The following SLX4IP variants were observed in gnomAD, a reference collection of about 807,000 sequenced individuals.
SLX4IP encodes the protein SLX4 interacting protein.
Under a neutral mutation model 32.9 loss-of-function variants are expected in SLX4IP, and 34 were observed. The observed-to-expected ratio is 1.03, with a 90% CI of 0.79 to 1.38. The LOEUF is 1.38. SLX4IP is among the 40% of genes most tolerant of loss of function. The pLI is 0.00. For synonymous variants in SLX4IP, 172 were observed against 171.7 expected, an observed-to-expected ratio of 1.00 and a Z score of -0.01; for missense variants, 444 against 479.0, an observed-to-expected ratio of 0.93 and a Z score of 0.68.
chr20:10,503,098 C>T (rs1600937092), intron 2 of SLX4IP, among the ~76,000 whole-genome samples: 1 of 152,024 alleles, frequency 6.6e-6, no homozygotes. Context: ...CTGTTGGCCA[C>T]CTCACTATGG....
intron 2 of SLX4IP, among the ~76,000 whole-genome samples, chr20:10,534,328 T>C (rs1053360698): frequency 6.6e-6 from 1 of 152,210 alleles, no homozygotes; most frequent in African/African-American, 2.4e-5. Flanking sequence ...TAGGCATTGG[T>C]AAGCATTAGG....
chr20:10,532,918 G>T (rs373903845), intron 2 of SLX4IP, among the ~76,000 whole-genome samples: 140 of 152,092 alleles, frequency 9.2e-4, no homozygotes, highest in African/African-American at 3.2e-3. Flanking sequence ...TGAGATTACA[G>T]ATGTCTGCCA....
chr20:10,524,828 C>T, intron 2 of SLX4IP, among the ~76,000 whole-genome samples: 1 of 152,208 alleles, frequency 6.6e-6, no homozygotes, highest in East Asian at 1.9e-4. Flanking sequence ...AAGCTCAGTA[C>T]ATCCAGAATT....
intron 2 of SLX4IP, among the ~76,000 whole-genome samples, chr20:10,505,330 T>G (rs2065750128): frequency 2.0e-5 from 3 of 152,224 alleles, no homozygotes; most frequent in African/African-American, 7.2e-5. Context: ...CTCTTTTCAC[T>G]TATATCTTGT....
At chr20:10,591,770 A>G (rs1446063601) in intron 4 of SLX4IP, among the ~76,000 whole-genome samples, 1 of 152,192 alleles carries the variant, frequency 6.6e-6, no homozygotes, top group Non-Finnish European at 1.5e-5. Flanking sequence ...ATTTAATGTT[A>G]AGGGCCTTTT....
intron 2 of SLX4IP, among the ~76,000 whole-genome samples, chr20:10,520,862 A>G (rs1442401896): frequency 6.6e-6 from 1 of 151,350 alleles, no homozygotes; most frequent in Non-Finnish European, 1.5e-5. Context: ...TCCCTCTTCC[A>G]CTCCTCTCTA....
chr20:10,516,578 T>C (rs2065851721), intron 2 of SLX4IP, among the ~76,000 whole-genome samples: 1 of 152,252 alleles, frequency 6.6e-6, no homozygotes, highest in Non-Finnish European at 1.5e-5. Flanking sequence ...CTGAGATGTT[T>C]TGTAACAAAT....
chr20:10,522,061 G>A (rs1458022101), intron 2 of SLX4IP, among the ~76,000 whole-genome samples: 1 of 152,146 alleles, frequency 6.6e-6, no homozygotes, highest in African/African-American at 2.4e-5. Flanking sequence ...AAAGTGACTG[G>A]CCTCTCTTCC....
At chr20:10,607,735 G>A (rs1448909329) in intron 6 of SLX4IP, among the ~76,000 whole-genome samples, 1 of 151,756 alleles carries the variant, frequency 6.6e-6, no homozygotes, top group Admixed American at 6.6e-5. Flanking sequence ...TCCTCTGTTG[G>A]TTAGTTTCTC....
intron 2 of SLX4IP, among the ~76,000 whole-genome samples, chr20:10,503,194 T>G (rs1327197433): frequency 6.6e-6 from 1 of 152,092 alleles, no homozygotes. Context: ...TATGCCAAGG[T>G]TAAGGTAGGA....
intron 2 of SLX4IP, among the ~76,000 whole-genome samples, chr20:10,523,883 A>G (rs1032088231): frequency 4.6e-5 from 7 of 152,220 alleles, no homozygotes; most frequent in Non-Finnish European, 1.0e-4. Flanking sequence ...TATTAAATTC[A>G]TTTTTTTAAG....
chr20:10,531,959 A>G (rs2065993032), intron 2 of SLX4IP, among the ~76,000 whole-genome samples: 2 of 152,202 alleles, frequency 1.3e-5, no homozygotes, highest in Admixed American at 1.3e-4. Flanking sequence ...TTTATTCTCC[A>G]TCACTACACA....
chr20:10,570,099 C>T (rs2066444757), intron 4 of SLX4IP, among the ~76,000 whole-genome samples: 1 of 152,176 alleles, frequency 6.6e-6, no homozygotes, highest in South Asian at 2.1e-4. Flanking sequence ...GTGCACCACT[C>T]TGAAAGGGTT....
chr20:10,441,106 G>T (rs2065156532), intron 1 of SLX4IP, among the ~76,000 whole-genome samples: 1 of 152,126 alleles, frequency 6.6e-6, no homozygotes, highest in African/African-American at 2.4e-5. Flanking sequence ...TCAGGTGTGG[G>T]TGCCTATGTC....
At position 10,622,972 on chromosome 20, in the gene SLX4IP, T is replaced by C; in HGVS notation, c.820T>C (p.Cys274Arg). ...AGGGCTTCTAAGCAGGAGCCCCGTCTGTAGCTGTGAGTCAGCATCACCATG... is the reference window on the plus strand; with the variant it reads ...AGGGCTTCTAAGCAGGAGCCCCGTCCGTAGCTGTGAGTCAGCATCACCATG... ...KTGLLSRSPV[C>R]SCESASPCPK... Residue 274 changes from cysteine to arginine, a missense_variant, in exon 8 of 8, where the codon TGT (cysteine) becomes CGT (arginine). Physicochemically the swap from Cys to Arg is radical, Grantham distance 180. Transcript: ENST00000334534. The C allele has an allele frequency of 1.2e-6, 2 of 1,614,204 alleles. No homozygotes were observed. Among genetic ancestry groups the C allele is most frequent in the Non-Finnish European group, 1.7e-6 (2 of 1,180,034 alleles).
At chr20:10,445,274 C>A (rs994133049) in intron 1 of SLX4IP, among the ~76,000 whole-genome samples, 7 of 151,932 alleles carry the variant, frequency 4.6e-5, no homozygotes, top group Non-Finnish European at 7.4e-5. Context: ...ACCACCTCTC[C>A]CCATTTTTCT....
intron 4 of SLX4IP, among the ~76,000 whole-genome samples, chr20:10,587,275 T>G (rs1159475455): frequency 6.6e-6 from 1 of 152,102 alleles, no homozygotes. Flanking sequence ...CATGTAACAA[T>G]TATACAAGGT....
intron 1 of SLX4IP, among the ~76,000 whole-genome samples, chr20:10,452,184 T>G (rs2065246979): frequency 6.6e-6 from 1 of 152,140 alleles, no homozygotes; most frequent in East Asian, 1.9e-4. Flanking sequence ...TCCTCCATCC[T>G]TGTGAGCTCT....
chr20:10,587,717 T>C (rs1002340751), intron 4 of SLX4IP, among the ~76,000 whole-genome samples: 1 of 152,106 alleles, frequency 6.6e-6, no homozygotes, highest in African/African-American at 2.4e-5. Context: ...CAAATATTCT[T>C]TGACAAGAGC....
Sources: allele counts gnomAD v4.1 joint callset (sites outside exome capture counted in the v4.1 genomes callset), GRCh38; gene constraint gnomAD v4.1.1; transcripts MANE v1.5; gene names NCBI Gene and HGNC (gene_info 2026-07-23, HGNC 2026-07-21).